The following ARHGAP6 variants were observed in gnomAD, a reference collection of about 807,000 sequenced individuals.
ARHGAP6 encodes the protein rho GTPase-activating protein 6.
In ARHGAP6, 16 loss-of-function variants were observed where a neutral mutation model predicts 55.7. The observed-to-expected ratio is 0.29, with a 90% confidence interval of 0.19 to 0.44. The LOEUF (loss-of-function observed/expected upper bound fraction) is 0.44. ARHGAP6 is among the 20% of genes least tolerant of loss of function. The pLI, the probability that ARHGAP6 is intolerant of heterozygous loss-of-function variation, is 1.00. For synonymous variants in ARHGAP6, 382 were observed against 360.9 expected (o/e 1.06, Z -0.66); for missense variants, 698 against 808.9 (o/e 0.86, Z 1.66).
At chrX:11,382,737 A>C (rs772461644) in intron 1 of ARHGAP6, among the ~76,000 whole-genome samples, 2 of 112,074 alleles carry the variant, frequency 1.8e-5, no homozygotes, top group African/African-American at 6.5e-5. Context: ...GTGTTGATTA[A>C]ACTGTCTCCT....
chrX:11,605,349 G>A (rs2052022900), intron 1 of ARHGAP6, among the ~76,000 whole-genome samples: 1 of 111,473 alleles, frequency 9.0e-6, no homozygotes, highest in Admixed American at 9.5e-5. Context: ...GCACACAGAG[G>A]ACTGGGAATT....
At chrX:11,418,094 A>T (rs1444496035) in intron 1 of ARHGAP6, among the ~76,000 whole-genome samples, 1 of 112,147 alleles carries the variant, frequency 8.9e-6, no homozygotes, top group Non-Finnish European at 1.9e-5. Context: ...ATGGCCAAGC[A>T]TTGAGTCACA....
chrX:11,354,321 CTCTCTCTA>C (rs1440831170), intron 1 of ARHGAP6, among the ~76,000 whole-genome samples: 283 of 64,271 alleles, frequency 4.4e-3, no homozygotes, highest in East Asian at 0.023. Context: ...CTCTCTCTCT[CTCTCTCTA>C]TATATATATA....
chrX:11,559,795 G>A (rs749793718), intron 1 of ARHGAP6, among the ~76,000 whole-genome samples: 1 of 109,197 alleles, frequency 9.2e-6, no homozygotes, highest in Non-Finnish European at 1.9e-5. Context: ...AGGCATGGTG[G>A]TGGGTGCCTG....
At chrX:11,564,584 T>C (rs901250039) in intron 1 of ARHGAP6, among the ~76,000 whole-genome samples, 5 of 111,553 alleles carry the variant, frequency 4.5e-5, no homozygotes, top group Non-Finnish European at 9.4e-5. Flanking sequence ...CAAAACCTAA[T>C]TATGAATATA....
chrX:11,169,545 A>G lies in ARHGAP6; in HGVS notation c.1769T>C (p.Val590Ala). Residue 590 changes from valine (V) to alanine (A), a missense_variant, in exon 9 of 13, where the codon GTT becomes GCT. By Grantham distance (64) the Val-to-Ala change is moderately conservative. This residue lies in a region of ARHGAP6 where 322 missense variants were observed against 451.1 expected (regional missense o/e 0.71). Transcript: ENST00000337414. ...ATAATTTTCAATCATCTTTTGCACA[A>G]CAGCGATGATGGCCGTGCTCTCCTC... ...RAEESTAIIA[V>A]VQKMIENYEA... 2.5e-6 allele frequency: 3 copies of G among 1,203,499 alleles called. No homozygotes were observed. Among genetic ancestry groups the G allele is most frequent in the Non-Finnish European group, 3.4e-6 (3 of 891,905 alleles).
chrX:11,552,853 C>G (rs930815981), intron 1 of ARHGAP6, among the ~76,000 whole-genome samples: 1 of 107,417 alleles, frequency 9.3e-6, no homozygotes, highest in South Asian at 4.1e-4. Context: ...AGATGTTGGT[C>G]AAAGGATACA....
intron 1 of ARHGAP6, among the ~76,000 whole-genome samples, chrX:11,492,973 C>T (rs2147850122): frequency 8.9e-6 from 1 of 111,801 alleles, no homozygotes; most frequent in Admixed American, 9.5e-5. Context: ...CCAGAGTGAC[C>T]TGAGGGACTA....
At chrX:11,587,977 A>T (rs1036565149) in intron 1 of ARHGAP6, among the ~76,000 whole-genome samples, 1 of 112,313 alleles carries the variant, frequency 8.9e-6, no homozygotes, top group African/African-American at 3.2e-5. Flanking sequence ...TGCGTTCTCC[A>T]TGAACACAGT....
At chrX:11,519,507 G>A (rs1388532143) in intron 1 of ARHGAP6, among the ~76,000 whole-genome samples, 2 of 110,804 alleles carry the variant, frequency 1.8e-5, no homozygotes, top group African/African-American at 6.6e-5. Flanking sequence ...ATTTGATTGA[G>A]TTCATTGTAG....
intron 1 of ARHGAP6, among the ~76,000 whole-genome samples, chrX:11,548,768 C>A (rs2051238003): frequency 9.0e-6 from 1 of 110,666 alleles, no homozygotes; most frequent in Non-Finnish European, 1.9e-5. Flanking sequence ...ACCACCACAC[C>A]CAGCTAATTT....
At chrX:11,614,101 C>A (rs1252805168) in intron 1 of ARHGAP6, among the ~76,000 whole-genome samples, 1 of 110,579 alleles carries the variant, frequency 9.0e-6, no homozygotes. Context: ...TTTTCCACGG[C>A]CCACCTAGCC....
At chrX:11,455,707 T>C in intron 1 of ARHGAP6, among the ~76,000 whole-genome samples, 1 of 111,839 alleles carries the variant, frequency 8.9e-6, no homozygotes, top group Middle Eastern at 4.6e-3. Context: ...TTTCATCTCC[T>C]TTTCAAGGTG....
chrX:11,585,437 CTTG>C (rs1388434406), intron 1 of ARHGAP6, among the ~76,000 whole-genome samples: 2 of 112,072 alleles, frequency 1.8e-5, no homozygotes, highest in African/African-American at 6.5e-5. Flanking sequence ...CTCGACAGTG[CTTG>C]TTATTTTTTG....
At chrX:11,469,743 G>A (rs1318547689) in intron 1 of ARHGAP6, among the ~76,000 whole-genome samples, 2 of 111,499 alleles carry the variant, frequency 1.8e-5, no homozygotes, top group Non-Finnish European at 3.8e-5. Flanking sequence ...GGGAATAATA[G>A]CAGAAGAAAA....
intron 1 of ARHGAP6, among the ~76,000 whole-genome samples, chrX:11,363,925 T>C (rs1473667312): frequency 2.7e-5 from 3 of 111,961 alleles, no homozygotes; most frequent in African/African-American, 9.7e-5. Flanking sequence ...GCACTATCCA[T>C]AATATTCCAA....
rs1027630657 is a variant in ARHGAP6, at chrX:11,455,689, A to G, written c.589-200982T>C. ...CCCCACTATCCGTGGCTTCTCTCCAATTGTAGTTTTCATCTCCTTTTCAAG... is the reference window on the plus strand; with the variant it reads ...CCCCACTATCCGTGGCTTCTCTCCAGTTGTAGTTTTCATCTCCTTTTCAAG... On this transcript the variant is annotated intron_variant, in intron 1 of 12. Transcript: ENST00000337414. 5.4e-5 allele frequency among the ~76,000 whole-genome samples: 6 copies of G among 111,655 alleles called. No homozygotes were observed. In the Admixed American group the frequency reaches 5.7e-4, roughly 11 times the overall value.
intron 1 of ARHGAP6, among the ~76,000 whole-genome samples, chrX:11,344,706 AAAAG>A (rs1310716972): frequency 7.6e-5 from 7 of 92,542 alleles, no homozygotes; most frequent in African/African-American, 1.7e-4. Flanking sequence ...AAAAAAAAAG[AAAAG>A]AAAGAAAAGA....
At chrX:11,501,286 C>A in intron 1 of ARHGAP6, among the ~76,000 whole-genome samples, 1 of 111,392 alleles carries the variant, frequency 9.0e-6, no homozygotes. Context: ...CCCAACTCTG[C>A]AAAAAGTTAC....
Sources: allele counts gnomAD v4.1 joint callset (sites outside exome capture counted in the v4.1 genomes callset), GRCh38; gene constraint gnomAD v4.1.1; regional missense constraint gnomAD v4.1.1; transcripts MANE v1.5; gene names NCBI Gene and HGNC (gene_info 2026-07-23, HGNC 2026-07-21).